Variants in VWF observed in about 807,000 individuals in gnomAD.
VWF encodes the protein Factor VIII related antigen.
Under a neutral mutation model 308.6 loss-of-function variants are expected in VWF, and 176 were observed. That is an observed-to-expected ratio of 0.57 (90% CI 0.50 to 0.65). The LOEUF (loss-of-function observed/expected upper bound fraction) is 0.65. Among genes scored for constraint, VWF ranks in the 30% least tolerant of loss-of-function variants. The pLI, the probability that VWF is intolerant of heterozygous loss-of-function variation, is 0.00. For missense variants in VWF, 3,146 were observed against 3,648.2 expected, an observed-to-expected ratio of 0.86 and a Z score of 3.55; for synonymous variants, 1,385 against 1,443.4, an observed-to-expected ratio of 0.96 and a Z score of 0.92.
At chr12:5,988,044 G>C (rs1943698925) in intron 38 of VWF, among the ~76,000 whole-genome samples, 1 of 152,182 alleles carries the variant, frequency 6.6e-6, no homozygotes, top group Non-Finnish European at 1.5e-5. Flanking sequence ...GAGTGCAAAA[G>C]GAGAGTCCAC....
intron 3 of VWF, among the ~76,000 whole-genome samples, chr12:6,116,817 T>C (rs1216935317): frequency 1.3e-5 from 2 of 152,310 alleles, no homozygotes; most frequent in South Asian, 4.1e-4. Context: ...TTTCCCAGGA[T>C]ATGAATAAGG....
At chr12:6,053,347 G>C (rs1047874710) in intron 15 of VWF, among the ~76,000 whole-genome samples, 2 of 152,204 alleles carry the variant, frequency 1.3e-5, no homozygotes, top group Admixed American at 6.5e-5. Flanking sequence ...TGAGTGACTT[G>C]TTAGGGGTAT....
intron 15 of VWF, among the ~76,000 whole-genome samples, chr12:6,053,457 T>C (rs924372800): frequency 6.6e-6 from 1 of 152,160 alleles, no homozygotes; most frequent in Non-Finnish European, 1.5e-5. Context: ...AACAGTCCCT[T>C]TGAGGACATG....
Position 6,121,106 on chromosome 12 carries a change from C to T in VWF, c.220+68G>A. ...ACACTGTCCTGAGAGCAGGAATCCT[C>T]CCCCACACCAGGGCTAAGCTCAGCC... On this transcript the variant is annotated intron_variant, in intron 3 of 51. Transcript: ENST00000261405. The T allele has an allele frequency of 1.4e-5, 23 of 1,602,456 alleles. No homozygotes were observed. The South Asian group carries it at 2.5e-4, about 18-fold the overall frequency.
At chr12:6,028,991 T>A (rs1233797177) in intron 22 of VWF, among the ~76,000 whole-genome samples, 1 of 151,694 alleles carries the variant, frequency 6.6e-6, no homozygotes, top group African/African-American at 2.4e-5. Context: ...TCAAGACCCA[T>A]CAGTGTGCTG....
chr12:6,038,716 T>C (rs1483920576), intron 18 of VWF, among the ~76,000 whole-genome samples: 2 of 152,262 alleles, frequency 1.3e-5, no homozygotes, highest in East Asian at 3.8e-4. Context: ...GAGGAGGTTA[T>C]TAATTCATGG....
At chr12:5,949,964 G>A in intron 50 of VWF, 81 bp from the exon 51 acceptor site, 2 of 1,292,240 alleles carry the variant, frequency 1.5e-6, no homozygotes, top group Non-Finnish European at 2.2e-6. Context: ...CCCTCACTGG[G>A]CTGGAAATAG....
intron 1 of VWF, among the ~76,000 whole-genome samples, chr12:6,124,127 G>A (rs1200956509): frequency 6.6e-6 from 1 of 152,120 alleles, no homozygotes; most frequent in African/African-American, 2.4e-5. Flanking sequence ...CTAACACGCA[G>A]GTACATTCAG....
intron 5 of VWF, among the ~76,000 whole-genome samples, chr12:6,102,867 C>A (rs1186290006): frequency 6.6e-6 from 1 of 152,138 alleles, no homozygotes; most frequent in African/African-American, 2.4e-5. Context: ...TCATTTTTCA[C>A]AGAATTAGAA....
chr12:5,988,789 G>C (rs216885), intron 38 of VWF, among the ~76,000 whole-genome samples: 65,822 of 151,990 alleles, frequency 0.43, 14,496 homozygotes, highest in East Asian at 0.52. Flanking sequence ...GCCAACTGCA[G>C]GCAGGCAGTC....
At chr12:6,011,873 C>T in intron 33 of VWF, 79 bp from the exon 34 acceptor site, 1 of 1,430,788 alleles carries the variant, frequency 7.0e-7, no homozygotes, top group Non-Finnish European at 9.8e-7. Flanking sequence ...AGACAACTGA[C>T]CCCTAGAATT....
rs1443842189 is a variant in VWF at position 6,024,555 on chromosome 12, TAGAA to T, written c.3223-772_3223-769del. 3.9e-5 allele frequency among the ~76,000 whole-genome samples: 6 copies of T among 152,156 alleles called. No homozygotes were observed. The highest frequency in any genetic ancestry group is 6.5e-5 in the Admixed American group (1 of 15,280). ...CAGAGACCGAAAATCACTGCATAGA[TAGAA>T]AGAGAATTGAGATCCATGTTTTCAA... On this transcript the variant is annotated intron_variant, in intron 24 of 51. Coordinates refer to ENST00000261405, the MANE Select transcript of VWF (RefSeq NM_000552.5). The surrounding 1 kb of genome is among the most constrained non-coding windows in gnomAD (Gnocchi z 4.0).
chr12:6,072,529 T>C (rs1161240003), intron 8 of VWF, 87 bp from the exon 9 acceptor site: 2 of 1,154,240 alleles, frequency 1.7e-6, no homozygotes, highest in African/African-American at 3.0e-5. Context: ...GGACAATGGT[T>C]GGGTTTCTTC....
In VWF at chr12:5,953,024, C is replaced by T. The variant is rs577991787; in HGVS notation, c.7986+472G>A. Among the ~76,000 whole-genome samples, 10 of 152,238 alleles carry T rather than the reference C, an allele frequency of 6.6e-5. No homozygotes were observed. The East Asian group carries it at 1.2e-3, about 18-fold the overall frequency. On this transcript the variant is annotated intron_variant, in intron 48 of 51. Coordinates refer to ENST00000261405, the MANE Select transcript of VWF (RefSeq NM_000552.5). Reference sequence around the variant, plus strand: ...TGGGCGGATCACGAGGTCAAGAGATCGAGACCATCCTGGCCAACATGATGA... The same window carrying T: ...TGGGCGGATCACGAGGTCAAGAGATTGAGACCATCCTGGCCAACATGATGA...
At chr12:6,032,082 G>A (rs149937304) in intron 20 of VWF, among the ~76,000 whole-genome samples, 240 of 152,340 alleles carry the variant, frequency 1.6e-3, no homozygotes, top group African/African-American at 5.4e-3. Flanking sequence ...AAGTCGAGAT[G>A]AGTAGAGAGG....
chr12:5,998,323 C>T (rs1943829367), intron 34 of VWF, among the ~76,000 whole-genome samples: 1 of 150,632 alleles, frequency 6.6e-6, no homozygotes. Flanking sequence ...ATGGTGAAAC[C>T]CCAACTCTAC....
chr12:6,045,284 CA>C (rs1467458682), intron 17 of VWF, among the ~76,000 whole-genome samples: 1 of 152,206 alleles, frequency 6.6e-6, no homozygotes, highest in African/African-American at 2.4e-5. Flanking sequence ...CTCCTCTGGG[CA>C]AAACAGTCAA....
intron 42 of VWF, among the ~76,000 whole-genome samples, chr12:5,980,176 AG>A: frequency 4.6e-5 from 2 of 43,796 alleles, no homozygotes; most frequent in African/African-American, 6.1e-5. Context: ...GGAGGGAGGG[AG>A]GGAGGGAGGG....
chr12:6,120,839 G>T (rs138520441), intron 3 of VWF, among the ~76,000 whole-genome samples: 59 of 152,218 alleles, frequency 3.9e-4, no homozygotes, highest in African/African-American at 1.4e-3. Context: ...CTTCTCTCTG[G>T]CAAGGAGTTT....
Sources: allele counts gnomAD v4.1 joint callset (sites outside exome capture counted in the v4.1 genomes callset), GRCh38; gene constraint gnomAD v4.1.1; non-coding constraint Gnocchi (gnomAD v3.1); transcripts MANE v1.5; gene names NCBI Gene and HGNC (gene_info 2026-07-23, HGNC 2026-07-21).